The following CSMD1 variants were observed in gnomAD, a reference collection of about 807,000 sequenced individuals.
CSMD1 encodes CUB and Sushi multiple domains 1.
In CSMD1, 213 loss-of-function variants were observed where a neutral mutation model predicts 417.5. The ratio of observed to expected loss-of-function variants is 0.51; its 90% CI spans 0.46 to 0.57. CSMD1 has a LOEUF of 0.57. Ranked by LOEUF, CSMD1 falls within the 20% of genes least tolerant of loss-of-function variation. CSMD1 has a pLI of 0.00. For missense variants in CSMD1, 6,923 were observed against 4,529.7 expected, an observed-to-expected ratio of 1.53 and a Z score of -15.17; for synonymous variants, 2,862 against 1,736.8, an observed-to-expected ratio of 1.65 and a Z score of -16.11.
intron 3 of CSMD1, among the ~76,000 whole-genome samples, chr8:4,072,029 AG>A (rs1799585369): frequency 6.6e-6 from 1 of 152,186 alleles, no homozygotes; most frequent in Non-Finnish European, 1.5e-5. Flanking sequence ...TGGTTCAGAA[AG>A]AAAGTGGATG....
chr8:4,699,951 G>C (rs1394507063), intron 1 of CSMD1, among the ~76,000 whole-genome samples: 2 of 152,176 alleles, frequency 1.3e-5, no homozygotes, highest in Admixed American at 6.5e-5. Flanking sequence ...ATTAGAATAA[G>C]ACAGGCTTGG....
intron 1 of CSMD1, among the ~76,000 whole-genome samples, chr8:4,941,608 A>T (rs13278572): frequency 0.33 from 50,309 of 150,308 alleles, 9,369 homozygotes; most frequent in Middle Eastern, 0.45. Flanking sequence ...TTTAATTTTT[A>T]TTTTTTTTGA....
chr8:4,525,911 T>C (rs1796490613), intron 2 of CSMD1, among the ~76,000 whole-genome samples: 1 of 152,138 alleles, frequency 6.6e-6, no homozygotes, highest in Admixed American at 6.6e-5. Flanking sequence ...GTGCAGGCCT[T>C]AGTAACCACC....
At chr8:3,198,831 G>C (rs1271821329) in intron 33 of CSMD1, among the ~76,000 whole-genome samples, 1 of 152,134 alleles carries the variant, frequency 6.6e-6, no homozygotes, top group Non-Finnish European at 1.5e-5. Flanking sequence ...CCATTGCTAA[G>C]AAAAAATTTT....
chr8:3,237,524 A>T (rs993470219), intron 26 of CSMD1, among the ~76,000 whole-genome samples: 1 of 147,400 alleles, frequency 6.8e-6, no homozygotes. Context: ...TATATTAAAT[A>T]TTATATATTT....
chr8:4,359,667 C>G (rs1275621700), intron 3 of CSMD1, among the ~76,000 whole-genome samples: 1 of 152,200 alleles, frequency 6.6e-6, no homozygotes, highest in Non-Finnish European at 1.5e-5. Flanking sequence ...GTGGTTGATT[C>G]TGGGTATGAA....
chr8:3,503,404 A>G (rs1796688862), intron 10 of CSMD1, among the ~76,000 whole-genome samples: 1 of 152,246 alleles, frequency 6.6e-6, no homozygotes, highest in Non-Finnish European at 1.5e-5. Flanking sequence ...GCTGCTAGTG[A>G]TTCAGGGTGG....
At chr8:3,436,521 T>C (rs999407429) in intron 12 of CSMD1, among the ~76,000 whole-genome samples, 1 of 152,190 alleles carries the variant, frequency 6.6e-6, no homozygotes, top group African/African-American at 2.4e-5. Flanking sequence ...TTAAGTGTAA[T>C]GTTTAGTGGC....
intron 7 of CSMD1, among the ~76,000 whole-genome samples, chr8:3,684,251 A>T (rs954634021): frequency 1.4e-5 from 2 of 143,632 alleles, no homozygotes; most frequent in African/African-American, 5.1e-5. Flanking sequence ...TTTATATATT[A>T]TATAAAATAT....
At chr8:4,672,991 C>A (rs1271044803) in intron 1 of CSMD1, among the ~76,000 whole-genome samples, 1 of 151,942 alleles carries the variant, frequency 6.6e-6, no homozygotes, top group African/African-American at 2.4e-5. Flanking sequence ...GTGGCATACA[C>A]ATATGCATGC....
At chr8:3,456,282 G>A (rs909977332) in intron 12 of CSMD1, among the ~76,000 whole-genome samples, 13 of 130,016 alleles carry the variant, frequency 1.0e-4, no homozygotes, top group African/African-American at 3.8e-4. Flanking sequence ...GCCTTGCCCT[G>A]CTTCAGCTCA....
At position 4,665,516 on chromosome 8, in the gene CSMD1, C is replaced by T. The variant is rs138897247; in HGVS notation, c.86-27958G>A. The stretch of plus-strand genomic sequence containing the variant: ...GATCCTCTTGCTCCTCTGTGGTCAG[C>T]CCTCTCCCCCAGAGGGTGGCAGCTG... On this transcript the variant is annotated intron_variant, in intron 1 of 69. Transcript: ENST00000635120. 1.5e-3 allele frequency among the ~76,000 whole-genome samples: 222 copies of T among 152,310 alleles called. 1 individual carries two copies. Among genetic ancestry groups the T allele is most frequent in the African/African-American group, 5.1e-3 (214 of 41,564 alleles).
At chr8:3,226,351 G>A (rs1210724893) in intron 27 of CSMD1, among the ~76,000 whole-genome samples, 1 of 152,144 alleles carries the variant, frequency 6.6e-6, no homozygotes, top group Non-Finnish European at 1.5e-5. Flanking sequence ...GGGAGGCCAA[G>A]GTGGGCGGAT....
At chr8:3,660,398 T>A (rs747578022) in intron 7 of CSMD1, among the ~76,000 whole-genome samples, 5 of 151,912 alleles carry the variant, frequency 3.3e-5, no homozygotes, top group Non-Finnish European at 7.4e-5. Flanking sequence ...CCACGTATGT[T>A]GGCATTTCTT....
At chr8:4,066,255 G>T (rs80106071) in intron 3 of CSMD1, among the ~76,000 whole-genome samples, 2,458 of 152,204 alleles carry the variant, frequency 0.016, 73 homozygotes, top group African/African-American at 0.056. Flanking sequence ...TGTTCCCACT[G>T]CACCTCTGAG....
At chr8:3,060,564 T>C (rs1396433015) in intron 49 of CSMD1, among the ~76,000 whole-genome samples, 2 of 152,212 alleles carry the variant, frequency 1.3e-5, no homozygotes, top group Non-Finnish European at 2.9e-5. Flanking sequence ...CTCACAGGCA[T>C]GATTGTTGTA....
At chr8:3,913,343 C>T (rs534939267) in intron 5 of CSMD1, among the ~76,000 whole-genome samples, 2 of 152,010 alleles carry the variant, frequency 1.3e-5, no homozygotes, top group East Asian at 1.9e-4. Context: ...AAGGCCAATC[C>T]GATATCAGAA....
intron 10 of CSMD1, among the ~76,000 whole-genome samples, chr8:3,568,601 G>T (rs1372481842): frequency 6.6e-6 from 1 of 152,118 alleles, no homozygotes; most frequent in African/African-American, 2.4e-5. Flanking sequence ...GTATATCAAT[G>T]TATTTATCTT....
chr8:4,311,227 C>A (rs112744754), intron 3 of CSMD1, among the ~76,000 whole-genome samples: 1 of 152,086 alleles, frequency 6.6e-6, no homozygotes, highest in Admixed American at 6.5e-5. Flanking sequence ...CCGTTCACAA[C>A]AGCAAAGGCA....
Sources: allele counts gnomAD v4.1 joint callset (sites outside exome capture counted in the v4.1 genomes callset), GRCh38; gene constraint gnomAD v4.1.1; transcripts MANE v1.5; gene names NCBI Gene and HGNC (gene_info 2026-07-23, HGNC 2026-07-21).